Variants in BLOC1S5 observed in about 807,000 individuals in gnomAD.
BLOC1S5 encodes biogenesis of lysosome-related organelles complex 1 subunit 5.
In BLOC1S5, 27 loss-of-function variants were observed where a neutral mutation model predicts 24.3. That is an observed-to-expected ratio of 1.11 (90% CI 0.82 to 1.53). The LOEUF (loss-of-function observed/expected upper bound fraction) is 1.53. BLOC1S5 is among the 40% of genes most tolerant of loss of function. The pLI, the probability that BLOC1S5 is intolerant of heterozygous loss-of-function variation, is 0.00. For missense variants in BLOC1S5, 239 were observed against 229.4 expected, an observed-to-expected ratio of 1.04 and a Z score of -0.27; for synonymous variants, 84 against 74.5, an observed-to-expected ratio of 1.13 and a Z score of -0.66.
At chr6:8,040,001 G>C (rs1023893865) in intron 3 of BLOC1S5, among the ~76,000 whole-genome samples, 1 of 152,190 alleles carries the variant, frequency 6.6e-6, no homozygotes, top group Non-Finnish European at 1.5e-5. Flanking sequence ...AAGTTAAGTG[G>C]GAACTAACAA....
chr6:8,037,457 T>G (rs565945776), intron 3 of BLOC1S5, among the ~76,000 whole-genome samples: 13 of 152,162 alleles, frequency 8.5e-5, no homozygotes, highest in African/African-American at 2.4e-4. Context: ...TATAAAACTT[T>G]GATGAAAAAA....
intron 2 of BLOC1S5, among the ~76,000 whole-genome samples, chr6:8,057,956 G>A (rs1460556384): frequency 2.6e-5 from 4 of 151,938 alleles, no homozygotes; most frequent in Admixed American, 1.3e-4. Context: ...CAAGTCTTTC[G>A]TGCTTATAAC....
At chr6:8,064,229 G>A in intron 1 of BLOC1S5, 36 bp downstream of exon 1, 1 of 1,557,704 alleles carries the variant, frequency 6.4e-7, no homozygotes, top group Non-Finnish European at 8.8e-7. Context: ...GGCTGTGCTG[G>A]GATCCACCAG....
chr6:8,057,816 T>A (rs2113604378), intron 2 of BLOC1S5, among the ~76,000 whole-genome samples: 1 of 152,360 alleles, frequency 6.6e-6, no homozygotes, highest in East Asian at 1.9e-4. Flanking sequence ...TTGTCTCTAA[T>A]TTTAACCAAC....
chr6:8,050,691 C>A (rs557596577), intron 2 of BLOC1S5, among the ~76,000 whole-genome samples: 1 of 151,380 alleles, frequency 6.6e-6, no homozygotes, highest in South Asian at 2.1e-4. Flanking sequence ...CAACCTCTGC[C>A]GCCCAGGTTC....
intron 1 of BLOC1S5, among the ~76,000 whole-genome samples, chr6:8,064,043 G>A (rs1261344002): frequency 2.6e-5 from 4 of 152,142 alleles, no homozygotes; most frequent in Non-Finnish European, 4.4e-5. Context: ...GGCTCAGGCT[G>A]CGACAGAGGA....
chr6:8,045,130 G>A (rs757096412), intron 2 of BLOC1S5, among the ~76,000 whole-genome samples: 3 of 152,222 alleles, frequency 2.0e-5, no homozygotes, highest in Non-Finnish European at 4.4e-5. Flanking sequence ...CCTCCATGCT[G>A]TGTGCAGCCT....
chr6:8,050,453 C>T (rs2113586482), intron 2 of BLOC1S5, among the ~76,000 whole-genome samples: 1 of 152,042 alleles, frequency 6.6e-6, no homozygotes, highest in South Asian at 2.1e-4. Context: ...TCTAAGTGTT[C>T]AAGTAAATAA....
chr6:8,053,855 C>A (rs931885194), intron 2 of BLOC1S5, among the ~76,000 whole-genome samples: 3 of 152,100 alleles, frequency 2.0e-5, no homozygotes, highest in Non-Finnish European at 2.9e-5. Flanking sequence ...GGTGTATCTT[C>A]CAGTTATTTA....
chr6:8,015,588 T>C lies in BLOC1S5; in HGVS notation c.*61A>G, dbSNP rs3734591. On this transcript the variant is annotated 3_prime_UTR_variant, in exon 5 of 5. Coordinates refer to ENST00000397457, the MANE Select transcript of BLOC1S5 (RefSeq NM_201280.3). ...CAGAGGCTAAACGGTCTGGTGGGAATAGTTTTCAGGAGAGAGGTGAACATC... is the reference window on the plus strand; with the variant it reads ...CAGAGGCTAAACGGTCTGGTGGGAACAGTTTTCAGGAGAGAGGTGAACATC... 0.16 allele frequency: 239,846 copies of C among 1,511,560 alleles called. 20,104 individuals carry two copies. Among genetic ancestry groups the C allele is most frequent in the Admixed American group, 0.2 (10,809 of 53,688 alleles). The allele number at this position is 1,511,560 out of a possible 1,614,324, so 93.6% of individuals were successfully genotyped here.
chr6:8,028,970 A>G (rs529064734), intron 3 of BLOC1S5, among the ~76,000 whole-genome samples: 2 of 152,296 alleles, frequency 1.3e-5, no homozygotes, highest in East Asian at 3.9e-4. Flanking sequence ...TTGACTTAAA[A>G]AAAAAAGTCA....
chr6:8,035,820 A>C (rs569945200), intron 3 of BLOC1S5, among the ~76,000 whole-genome samples: 1 of 152,292 alleles, frequency 6.6e-6, no homozygotes, highest in East Asian at 1.9e-4. Flanking sequence ...AGTAATGGAC[A>C]GATCATCCAG....
rs186527028 is a variant in BLOC1S5, at chr6:8,044,879, C to T, written c.196-3611G>A. On this transcript the variant is annotated intron_variant, in intron 2 of 4. Transcript: ENST00000397457. The stretch of plus-strand genomic sequence containing the variant: ...AAGGCATTCAGTTTTATAAGGTAAG[C>T]GGAGCATAAAAGTTTGGAAAATCTG... Among the ~76,000 whole-genome samples, 363 of 152,118 alleles carry T rather than the reference C, an allele frequency of 2.4e-3. 2 individuals are homozygous for T. Among genetic ancestry groups the T allele is most frequent in the Non-Finnish European group, 3.4e-3 (230 of 68,000 alleles).
intron 2 of BLOC1S5, among the ~76,000 whole-genome samples, chr6:8,050,661 G>C (rs1220165102): frequency 1.3e-5 from 2 of 151,224 alleles, no homozygotes; most frequent in African/African-American, 4.9e-5. Flanking sequence ...GGAGTGCGGC[G>C]GTGTGATCTC....
At chr6:8,027,222 A>G (rs1561857393) in intron 3 of BLOC1S5, 1 of 375,842 alleles carries the variant, frequency 2.7e-6, no homozygotes, top group Non-Finnish European at 5.3e-6. Flanking sequence ...CCAAATAAAG[A>G]CATGTAGTGT....
intron 2 of BLOC1S5, among the ~76,000 whole-genome samples, chr6:8,062,148 C>T (rs1764534655): frequency 6.6e-6 from 1 of 152,088 alleles, no homozygotes; most frequent in South Asian, 2.1e-4. Flanking sequence ...AAGGATAATC[C>T]TTAAGTTTTA....
chr6:8,031,212 T>C (rs1335612372), intron 3 of BLOC1S5, among the ~76,000 whole-genome samples: 2 of 152,182 alleles, frequency 1.3e-5, no homozygotes, highest in Non-Finnish European at 2.9e-5. Flanking sequence ...GATGATATTA[T>C]CGTATACCTA....
At position 8,041,139 on chromosome 6, in the gene BLOC1S5, A is replaced by G; in HGVS notation, c.325T>C (p.Leu109=). 1 of 1,574,320 alleles carries G rather than the reference A, an allele frequency of 6.4e-7. No homozygotes were observed. Among genetic ancestry groups the G allele is most frequent in the South Asian group, 1.2e-5 (1 of 83,974 alleles). ...RDSLSQVLQR[L]QAANDSVCRL... is the part of the protein sequence containing the mutation. ...AATTAAAAAAGAATTGCTGACTCAC[A>G]TCTCTGGAGAACCTGGCTGAGGCTG... The change falls in exon 3 of 5, where the codon TTG becomes CTG. Residue 109 remains leucine, a splice_region_variant and synonymous_variant. Transcript: ENST00000397457.
At chr6:8,063,787 T>C (rs1319611542) in intron 1 of BLOC1S5, among the ~76,000 whole-genome samples, 3 of 152,150 alleles carry the variant, frequency 2.0e-5, no homozygotes, top group Non-Finnish European at 4.4e-5. Flanking sequence ...TTTCTGAACG[T>C]GAATGGTTCT....
Sources: allele counts gnomAD v4.1 joint callset (sites outside exome capture counted in the v4.1 genomes callset), GRCh38; gene constraint gnomAD v4.1.1; transcripts MANE v1.5; gene names NCBI Gene and HGNC (gene_info 2026-07-23, HGNC 2026-07-21).